The following SREK1IP1 variants were observed in gnomAD, a reference collection of about 807,000 sequenced individuals.
SREK1IP1 encodes protein SREK1IP1.
A neutral mutation model predicts 22.8 loss-of-function variants in SREK1IP1; 12 were observed. That is an observed-to-expected ratio of 0.53 (90% CI 0.34 to 0.85). The LOEUF (loss-of-function observed/expected upper bound fraction) is 0.85. Ranked by LOEUF, SREK1IP1 falls within the 40% of genes least tolerant of loss-of-function variation. SREK1IP1 has a pLI of 0.02. For missense variants in SREK1IP1, 147 were observed against 171.8 expected (o/e 0.86, Z 0.81); for synonymous variants, 53 against 52.7 (o/e 1.01, Z -0.02).
At chr5:64,738,047 A>G (rs1160438979) in intron 3 of SREK1IP1, among the ~76,000 whole-genome samples, 1 of 152,176 alleles carries the variant, frequency 6.6e-6, no homozygotes, top group African/African-American at 2.4e-5. Context: ...AACTGGAGAG[A>G]AGAGATCACT....
Position 64,728,076 on chromosome 5 carries a change from T to G in SREK1IP1, c.278+31A>C, listed in dbSNP as rs536246754. On this transcript the variant is annotated intron_variant, in intron 4 of 4. Coordinates refer to ENST00000513458, the MANE Select transcript of SREK1IP1 (RefSeq NM_173829.4). ...ATCCATCCTAAACTCATAGGCCTGCTTTGTTTTTTAAAATGTTGTTCAAAA... is the reference window on the plus strand; with the variant it reads ...ATCCATCCTAAACTCATAGGCCTGCGTTGTTTTTTAAAATGTTGTTCAAAA... The G allele has an allele frequency of 1.6e-4, 209 of 1,328,098 alleles. 1 individual carries two copies. Among genetic ancestry groups the G allele is most frequent in the Middle Eastern group, 1.4e-3 (5 of 3,560 alleles). 82.3% of individuals were successfully genotyped at this position (1,328,098 alleles called of 1,614,324 possible).
At chr5:64,759,406 C>A (rs1467830673) in intron 1 of SREK1IP1, among the ~76,000 whole-genome samples, 2 of 152,144 alleles carry the variant, frequency 1.3e-5, no homozygotes, top group Non-Finnish European at 2.9e-5. Context: ...TGGCTCCATT[C>A]CTTTTTGAAG....
chr5:64,727,453 C>T (rs747776429), intron 4 of SREK1IP1, among the ~76,000 whole-genome samples: 17 of 88,956 alleles, frequency 1.9e-4, no homozygotes, highest in Non-Finnish European at 3.2e-4. Context: ...TCATCAGCCA[C>T]CATATATATA....
chr5:64,752,373 G>A (rs750510232), intron 2 of SREK1IP1, among the ~76,000 whole-genome samples: 2 of 151,714 alleles, frequency 1.3e-5, no homozygotes, highest in African/African-American at 4.8e-5. Context: ...GGATGGTCTC[G>A]ATCTCCTGAC....
At chr5:64,728,063 C>T (rs1215000188) in intron 4 of SREK1IP1, 44 bp downstream of exon 4, 2 of 1,272,102 alleles carry the variant, frequency 1.6e-6, no homozygotes, top group Non-Finnish European at 2.0e-6. Flanking sequence ...CCATCCTAAA[C>T]TCATAGGCCT....
intron 2 of SREK1IP1, among the ~76,000 whole-genome samples, chr5:64,749,096 A>ATAC (rs1491321397): frequency 6.8e-6 from 1 of 147,890 alleles, no homozygotes; most frequent in African/African-American, 2.5e-5. Flanking sequence ...AATAATAATA[A>ATAC]TAATAATAAT....
At chr5:64,768,425 C>G (rs985849538) in intron 1 of SREK1IP1, 80 bp downstream of exon 1, 7 of 1,588,550 alleles carry the variant, frequency 4.4e-6, no homozygotes, top group Non-Finnish European at 1.7e-6. Flanking sequence ...GGCGCTGCTC[C>G]GTACACGCCG....
chr5:64,746,148 C>G (rs570461754), intron 2 of SREK1IP1, among the ~76,000 whole-genome samples: 1 of 152,148 alleles, frequency 6.6e-6, no homozygotes, highest in Non-Finnish European at 1.5e-5. Flanking sequence ...ACAGATGGTA[C>G]AGAGACAACT....
At chr5:64,737,927 G>C (rs1481320610) in intron 3 of SREK1IP1, among the ~76,000 whole-genome samples, 1 of 152,112 alleles carries the variant, frequency 6.6e-6, no homozygotes, top group Non-Finnish European at 1.5e-5. Context: ...AAGACACTGG[G>C]TCAGTAATCC....
chr5:64,761,333 G>A (rs1474120024), intron 1 of SREK1IP1, among the ~76,000 whole-genome samples: 1 of 152,122 alleles, frequency 6.6e-6, no homozygotes, highest in East Asian at 1.9e-4. Context: ...TTGATTTGAG[G>A]TTATAAGCTT....
chr5:64,744,788 T>C (rs991954852), intron 2 of SREK1IP1, among the ~76,000 whole-genome samples: 2 of 152,348 alleles, frequency 1.3e-5, no homozygotes, highest in African/African-American at 2.4e-5. Flanking sequence ...ATGGGAAAAA[T>C]AGTTCCTGCT....
chr5:64,724,421 G>A lies in SREK1IP1; in HGVS notation c.431C>T (p.Ser144Phe). 1 of 1,582,878 alleles carries A rather than the reference G, an allele frequency of 6.3e-7. No homozygotes were observed. The highest frequency in any genetic ancestry group is 8.5e-7 in the Non-Finnish European group (1 of 1,171,678). Residue 144 changes from serine (S) to phenylalanine (F), a missense_variant, in exon 5 of 5, where the codon TCT (serine) becomes TTT (phenylalanine). Physicochemically the swap from Ser to Phe is radical, Grantham distance 155 (BLOSUM62 -2). Coordinates refer to ENST00000513458, the MANE Select transcript of SREK1IP1 (RefSeq NM_173829.4). The part of the protein sequence containing the change: ...EKKKRKKEKH[S>F]STPNSSEFSR... ...GAATTCAGAACTATTAGGTGTAGAA[G>A]AATGCTTTTCCTTTTTTCTCTTCTT...
At chr5:64,761,828 C>A (rs1490685200) in intron 1 of SREK1IP1, among the ~76,000 whole-genome samples, 4 of 152,204 alleles carry the variant, frequency 2.6e-5, no homozygotes, top group African/African-American at 4.8e-5. Context: ...CATTTGTGAT[C>A]TGTGCTGTTT....
At chr5:64,763,343 C>T (rs1299618646) in intron 1 of SREK1IP1, among the ~76,000 whole-genome samples, 1 of 152,066 alleles carries the variant, frequency 6.6e-6, no homozygotes, top group African/African-American at 2.4e-5. Flanking sequence ...TCTAGACCAT[C>T]CTGGCTAACA....
chr5:64,724,654 A>G (rs1450724350), intron 4 of SREK1IP1, 81 bp from the exon 5 acceptor site: 2 of 1,151,900 alleles, frequency 1.7e-6, no homozygotes, highest in African/African-American at 3.1e-5. Context: ...ACTGCCTTAA[A>G]TTCTTCTTGG....
chr5:64,754,260 A>C, intron 2 of SREK1IP1, 55 bp downstream of exon 2: 1 of 1,544,524 alleles, frequency 6.5e-7, no homozygotes, highest in Non-Finnish European at 8.9e-7. Flanking sequence ...TTGCCCAAAG[A>C]GGCCATGATT....
At chr5:64,732,915 T>G (rs1474554219) in intron 3 of SREK1IP1, among the ~76,000 whole-genome samples, 1 of 150,454 alleles carries the variant, frequency 6.6e-6, no homozygotes, top group Non-Finnish European at 1.5e-5. Context: ...ACTGATTTTT[T>G]GGGGAAAAAA....
chr5:64,744,129 G>A (rs867158218), intron 2 of SREK1IP1, among the ~76,000 whole-genome samples: 2 of 152,072 alleles, frequency 1.3e-5, no homozygotes, highest in Middle Eastern at 3.2e-3. Context: ...CACCAGAAAA[G>A]GGAAGAAAAA....
At chr5:64,727,341 A>G (rs1742288454) in intron 4 of SREK1IP1, among the ~76,000 whole-genome samples, 1 of 135,546 alleles carries the variant, frequency 7.4e-6, no homozygotes, top group Non-Finnish European at 1.5e-5. Context: ...TAACTTCTTT[A>G]ACCAGTTAGT....
Sources: gnomAD v4.1 joint callset for allele counts (sites outside exome capture counted in the v4.1 genomes callset) on GRCh38, gnomAD v4.1.1 for gene constraint, MANE v1.5 for transcripts, NCBI Gene and HGNC (gene_info 2026-07-23, HGNC 2026-07-21) for gene names.